Variants in NNMT observed in about 807,000 individuals in gnomAD.
The protein encoded by NNMT is nicotinamide N-methyltransferase.
Under a neutral mutation model 11.7 loss-of-function variants are expected in NNMT, and 10 were observed. The observed-to-expected ratio is 0.85, with a 90% CI of 0.53 to 1.45. The LOEUF (loss-of-function observed/expected upper bound fraction) is 1.45. NNMT is among the 40% of genes most tolerant of loss of function. The pLI is 0.00. For synonymous variants in NNMT, 143 were observed against 133.8 expected (o/e 1.07, Z -0.48); for missense variants, 381 against 319.4 (o/e 1.19, Z -1.47).
intron 2 of NNMT, among the ~76,000 whole-genome samples, chr11:114,298,635 C>A (rs1945407940): frequency 6.6e-6 from 1 of 152,152 alleles, no homozygotes; most frequent in Non-Finnish European, 1.5e-5. Flanking sequence ...TCACCAGATA[C>A]AACCAAAATC....
chr11:114,310,760 T>TA (rs1945541924), intron 2 of NNMT, among the ~76,000 whole-genome samples: 1 of 152,380 alleles, frequency 6.6e-6, no homozygotes, highest in African/African-American at 2.4e-5. Flanking sequence ...GGGTCACTCC[T>TA]ACTCTTAGTG....
chr11:114,295,350 G>A (rs1945365123), upstream of NNMT, among the ~76,000 whole-genome samples: 1 of 151,722 alleles, frequency 6.6e-6, no homozygotes, highest in South Asian at 2.1e-4. Flanking sequence ...TTAGCGGGGA[G>A]TGAGCTGAAG....
At chr11:114,272,113 C>T (rs1027097356) in intron 2 of NNMT, among the ~76,000 whole-genome samples, 6 of 152,092 alleles carry the variant, frequency 3.9e-5, no homozygotes, top group Non-Finnish European at 8.8e-5. Context: ...TGAACTCTGT[C>T]AAGAAAGGCC....
chr11:114,312,333 C>A lies in NNMT; in HGVS notation c.651C>A (p.Gly217=), dbSNP rs139280792. 3.1e-6 allele frequency: 5 copies of A among 1,614,088 alleles called. No individual in the cohort carries two copies. The highest frequency in any genetic ancestry group is 4.2e-6 in the Non-Finnish European group (5 of 1,180,028). The change falls in exon 3 of 3, where the codon GGC becomes GGA. Residue 217 remains glycine, a synonymous_variant. Coordinates refer to ENST00000299964, the MANE Select transcript of NNMT (RefSeq NM_006169.3). ...GEQKFSSLPL[G]REAVEAAVKE... is the part of the protein sequence containing the mutation. ...AGAAGTTCTCCAGCCTCCCCCTGGGCCGGGAGGCAGTAGAGGCTGCTGTGA... is the reference window on the plus strand; with the variant it reads ...AGAAGTTCTCCAGCCTCCCCCTGGGACGGGAGGCAGTAGAGGCTGCTGTGA...
At chr11:114,270,220 A>G (rs1184703104) in intron 2 of NNMT, 1 of 152,192 alleles carries the variant, frequency 6.6e-6, no homozygotes, top group Admixed American at 6.5e-5. Context: ...AAAAGAAGGT[A>G]TATTTTCTAT....
intron 2 of NNMT, among the ~76,000 whole-genome samples, chr11:114,307,503 C>T (rs141166250): frequency 1.3e-5 from 2 of 152,310 alleles, no homozygotes; most frequent in East Asian, 1.9e-4. Flanking sequence ...CCCACTTCCA[C>T]TCTTGCCCCT....
chr11:114,307,664 T>G (rs1397031238), intron 2 of NNMT, among the ~76,000 whole-genome samples: 1 of 33,934 alleles, frequency 2.9e-5, no homozygotes, highest in East Asian at 1.8e-3. Flanking sequence ...AAGCCCTGCC[T>G]AGTCTGGCTC....
intron 1 of NNMT, 44 bp from the exon 2 acceptor site, chr11:114,297,907 A>C: frequency 6.4e-7 from 1 of 1,559,754 alleles, no homozygotes; most frequent in Non-Finnish European, 8.8e-7. Flanking sequence ...GCCCACTGCC[A>C]TGAGATGCCT....
intron 2 of NNMT, among the ~76,000 whole-genome samples, chr11:114,265,140 T>C (rs1945110389): frequency 6.6e-6 from 1 of 152,212 alleles, no homozygotes; most frequent in African/African-American, 2.4e-5. Context: ...AAGCTGCCTA[T>C]GGGCTGCCAA....
At chr11:114,301,725 A>C (rs1237653370) in intron 2 of NNMT, among the ~76,000 whole-genome samples, 1 of 152,030 alleles carries the variant, frequency 6.6e-6, no homozygotes, top group Non-Finnish European at 1.5e-5. Context: ...AATCCATGGA[A>C]TGTACAATAC....
intron 2 of NNMT, among the ~76,000 whole-genome samples, chr11:114,266,621 G>T (rs1394610634): frequency 6.6e-6 from 1 of 151,654 alleles, no homozygotes. Flanking sequence ...CCTCTCAGTG[G>T]GGTCTTACCT....
At chr11:114,306,045 G>T in intron 2 of NNMT, among the ~76,000 whole-genome samples, 1 of 151,810 alleles carries the variant, frequency 6.6e-6, no homozygotes, top group Admixed American at 6.6e-5. Context: ...ACCATTCTAA[G>T]TGGTGTGAGA....
chr11:114,309,452 C>T (rs1482653246), intron 2 of NNMT, among the ~76,000 whole-genome samples: 2 of 152,146 alleles, frequency 1.3e-5, no homozygotes, highest in East Asian at 3.9e-4. Context: ...AAAGTGGTCA[C>T]CCTGCTACCA....
chr11:114,269,055 T>C (rs1945147794), intron 2 of NNMT, among the ~76,000 whole-genome samples: 1 of 151,904 alleles, frequency 6.6e-6, no homozygotes, highest in South Asian at 2.1e-4. Context: ...TTTTCACACA[T>C]TTTAAAAAAA....
At chr11:114,272,023 A>T (rs1945173614) in intron 2 of NNMT, among the ~76,000 whole-genome samples, 2 of 152,240 alleles carry the variant, frequency 1.3e-5, no homozygotes, top group African/African-American at 4.8e-5. Context: ...AAGGTTCAGG[A>T]AACTTCCTTC....
chr11:114,299,913 T>A (rs560156285), intron 2 of NNMT, among the ~76,000 whole-genome samples: 1 of 152,186 alleles, frequency 6.6e-6, no homozygotes, highest in South Asian at 2.1e-4. Context: ...GTTGTCTTGA[T>A]CAACCTTGCT....
chr11:114,261,070 G>T (rs1945076631), intron 1 of NNMT, among the ~76,000 whole-genome samples: 1 of 152,202 alleles, frequency 6.6e-6, no homozygotes, highest in Admixed American at 6.5e-5. Context: ...TATCAATGGG[G>T]ACAGGCTCTG....
rs771601164 is a variant in NNMT at position 114,312,135 on chromosome 11, C to T, written c.453C>T (p.Ala151=). The T allele has an allele frequency of 4.9e-5, 79 of 1,613,856 alleles. No homozygotes were observed. Among genetic ancestry groups the T allele is most frequent in the Admixed American group, 2.5e-4 (15 of 59,998 alleles). ...TGACTCAGAGCCAGCCACTGGGGGC[C>T]GTCCCCTTACCCCCGGCTGACTGCG... The part of the protein sequence containing the change: ...CDVTQSQPLG[A]VPLPPADCVL... Residue 151 remains alanine (A), a synonymous_variant, in exon 3 of 3, where the codon GCC becomes GCT. Coordinates refer to ENST00000299964, the MANE Select transcript of NNMT (RefSeq NM_006169.3).
intron 2 of NNMT, among the ~76,000 whole-genome samples, chr11:114,299,640 G>A (rs554633780): frequency 5.3e-5 from 8 of 152,252 alleles, no homozygotes; most frequent in African/African-American, 1.9e-4. Flanking sequence ...GCGAAGCCAG[G>A]TGAATCTGAA....
Sources: gnomAD v4.1 joint callset for allele counts (sites outside exome capture counted in the v4.1 genomes callset) on GRCh38, gnomAD v4.1.1 for gene constraint, MANE v1.5 for transcripts, NCBI Gene and HGNC (gene_info 2026-07-23, HGNC 2026-07-21) for gene names.